Variants in DPYD observed in about 807,000 individuals in gnomAD.
The protein encoded by DPYD is dihydropyrimidine dehydrogenase [NADP(+)].
In DPYD, 109 loss-of-function variants were observed where a neutral mutation model predicts 116.2. That is an observed-to-expected ratio of 0.94 (90% CI 0.80 to 1.10). DPYD has a LOEUF of 1.10. Among genes scored for constraint, DPYD ranks in the 50% least tolerant of loss-of-function variants. The pLI is 0.00. For missense variants in DPYD, 1,302 were observed against 1,254.5 expected, an observed-to-expected ratio of 1.04 and a Z score of -0.57; for synonymous variants, 440 against 432.0, an observed-to-expected ratio of 1.02 and a Z score of -0.23.
At chr1:97,817,538 T>C (rs1668691285) in intron 3 of DPYD, among the ~76,000 whole-genome samples, 1 of 152,098 alleles carries the variant, frequency 6.6e-6, no homozygotes. Flanking sequence ...TATTTTATTA[T>C]AGTATATTGT....
At chr1:97,142,206 A>C (rs1654275272) in intron 20 of DPYD, among the ~76,000 whole-genome samples, 1 of 152,198 alleles carries the variant, frequency 6.6e-6, no homozygotes, top group African/African-American at 2.4e-5. Flanking sequence ...GCACTCAAAG[A>C]GTATTGGGCC....
chr1:97,119,884 T>C (rs1009726846), intron 20 of DPYD, among the ~76,000 whole-genome samples: 1 of 152,176 alleles, frequency 6.6e-6, no homozygotes, highest in African/African-American at 2.4e-5. Context: ...TTTAAAGATT[T>C]AAAACAAAAC....
At chr1:97,444,933 G>A (rs1234414354) in intron 14 of DPYD, among the ~76,000 whole-genome samples, 1 of 152,098 alleles carries the variant, frequency 6.6e-6, no homozygotes, top group Admixed American at 6.5e-5. Context: ...CCCCAGGTGA[G>A]ACAGAATGGA....
intron 18 of DPYD, among the ~76,000 whole-genome samples, chr1:97,261,378 A>G (rs1374085652): frequency 1.3e-5 from 2 of 152,016 alleles, no homozygotes; most frequent in African/African-American, 4.8e-5. Flanking sequence ...TCTATCCAAA[A>G]TTAATGTAGA....
intron 19 of DPYD, among the ~76,000 whole-genome samples, chr1:97,202,778 G>T (rs1265424777): frequency 6.6e-6 from 1 of 152,162 alleles, no homozygotes; most frequent in Non-Finnish European, 1.5e-5. Context: ...ACTGGACTCA[G>T]ATCTCAATAA....
rs145266505 is a variant in DPYD at position 97,532,942 on chromosome 1, T to C, written c.1524+16618A>G. 2.5e-3 allele frequency among the ~76,000 whole-genome samples: 373 copies of C among 151,888 alleles called. 1 individual carries two copies. The highest frequency in any genetic ancestry group is 4.8e-3 in the South Asian group (23 of 4,808). On this transcript the variant is annotated intron_variant, in intron 12 of 22. Transcript: ENST00000370192. The stretch of plus-strand genomic sequence containing the variant: ...TTTTTTTGTTGTTGTTGTTGTTTTG[T>C]TGTTATTGTTCATCGATGTTTAAAG...
At chr1:97,373,500 T>C (rs1671416675) in intron 16 of DPYD, 61 bp downstream of exon 16, 1 of 1,418,902 alleles carries the variant, frequency 7.0e-7, no homozygotes, top group Non-Finnish European at 1.0e-6. Flanking sequence ...ATAGTAACTA[T>C]CCATACGGGG....
At chr1:97,404,056 T>C (rs1673516175) in intron 14 of DPYD, among the ~76,000 whole-genome samples, 1 of 152,070 alleles carries the variant, frequency 6.6e-6, no homozygotes, top group Non-Finnish European at 1.5e-5. Context: ...GCCCATGTGT[T>C]ATTTAGAGGT....
chr1:97,826,833 C>T (rs1017569119), intron 3 of DPYD, among the ~76,000 whole-genome samples: 26 of 151,768 alleles, frequency 1.7e-4, no homozygotes, highest in African/African-American at 6.3e-4. Flanking sequence ...ATTTTTCCCT[C>T]TTTTTTTTAT....
chr1:97,771,147 G>A (rs549139603), intron 3 of DPYD, among the ~76,000 whole-genome samples: 12 of 152,060 alleles, frequency 7.9e-5, no homozygotes, highest in South Asian at 2.1e-4. Flanking sequence ...GTGAAACCCC[G>A]CCTCTACTAA....
rs918964968 is a variant in DPYD at position 97,305,356 on chromosome 1, G to T, written c.2202C>A (p.Ala734=). 1.2e-6 allele frequency: 2 copies of T among 1,612,386 alleles called. No individual in the cohort carries two copies. The highest frequency in any genetic ancestry group is 3.3e-5 in the Admixed American group (2 of 59,878). Residue 734 remains alanine, a synonymous_variant, in exon 18 of 23, where the codon GCC becomes GCA. Coordinates refer to ENST00000370192, the MANE Select transcript of DPYD (RefSeq NM_000110.4). ...AKEGGANGVT[A]TNTVSGLMGL... Reference sequence around the variant, plus strand: ...CCATCAGACCTGAGACAGTGTTGGTGGCTGTAACGCCATTGGCACCACCTA... The same window carrying T: ...CCATCAGACCTGAGACAGTGTTGGTTGCTGTAACGCCATTGGCACCACCTA...
intron 16 of DPYD, among the ~76,000 whole-genome samples, chr1:97,372,976 A>C (rs1671384012): frequency 6.6e-6 from 1 of 152,188 alleles, no homozygotes; most frequent in Admixed American, 6.5e-5. Context: ...TAGTTACATA[A>C]AGATGCAGTG....
At chr1:97,503,273 C>A (rs1679698222) in intron 13 of DPYD, among the ~76,000 whole-genome samples, 1 of 151,954 alleles carries the variant, frequency 6.6e-6, no homozygotes, top group South Asian at 2.1e-4. Flanking sequence ...TTATTCCCCC[C>A]ATTTAAAAGC....
At chr1:97,776,363 C>T (rs535361930) in intron 3 of DPYD, among the ~76,000 whole-genome samples, 6 of 152,172 alleles carry the variant, frequency 3.9e-5, no homozygotes, top group Admixed American at 3.3e-4. Flanking sequence ...CCTAAAATTA[C>T]GCCAAGGTGT....
intron 3 of DPYD, chr1:97,797,197 T>C (rs1667615915): frequency 6.6e-6 from 1 of 152,164 alleles, no homozygotes; most frequent in African/African-American, 2.4e-5. Context: ...CCTGAAATTA[T>C]TACTATGCTA....
intron 8 of DPYD, among the ~76,000 whole-genome samples, chr1:97,666,319 C>T (rs976286094): frequency 2.0e-5 from 3 of 152,088 alleles, no homozygotes; most frequent in African/African-American, 7.2e-5. Context: ...TCCCACTCTG[C>T]ATGGCGAATT....
chr1:97,799,257 A>G (rs1411885776), intron 3 of DPYD, among the ~76,000 whole-genome samples: 2 of 151,926 alleles, frequency 1.3e-5, no homozygotes, highest in African/African-American at 4.8e-5. Context: ...GACATTATAC[A>G]ATGGTTAGCC....
At chr1:97,720,928 T>C in intron 5 of DPYD, 7 of 1,608,990 alleles carry the variant, frequency 4.4e-6, no homozygotes, top group Non-Finnish European at 5.9e-6. Flanking sequence ...GATCAAAGTC[T>C]ATGGGATAAA....
At chr1:97,625,148 G>A (rs1036968508) in intron 8 of DPYD, among the ~76,000 whole-genome samples, 6 of 151,920 alleles carry the variant, frequency 3.9e-5, no homozygotes, top group Non-Finnish European at 5.9e-5. Flanking sequence ...TGAGGTGATG[G>A]GGATGTTAAC....
Sources: gnomAD v4.1 joint callset for allele counts (sites outside exome capture counted in the v4.1 genomes callset) on GRCh38, gnomAD v4.1.1 for gene constraint, MANE v1.5 for transcripts, NCBI Gene and HGNC (gene_info 2026-07-23, HGNC 2026-07-21) for gene names.